EMCN: variants seen among roughly 807,000 people sequenced by gnomAD.
The protein encoded by EMCN is MUC-14.
Under a neutral mutation model 38.4 loss-of-function variants are expected in EMCN, and 37 were observed. That is an observed-to-expected ratio of 0.96 (90% CI 0.74 to 1.27). EMCN has a LOEUF of 1.27. EMCN is among the 50% of genes most tolerant of loss of function. The pLI, the probability that EMCN is intolerant of heterozygous loss-of-function variation, is 0.00. For missense variants in EMCN, 318 were observed against 302.8 expected, an observed-to-expected ratio of 1.05 and a Z score of -0.37; for synonymous variants, 95 against 100.8, an observed-to-expected ratio of 0.94 and a Z score of 0.35.
intron 5 of EMCN, among the ~76,000 whole-genome samples, chr4:100,433,807 A>G (rs1035023233): frequency 2.6e-5 from 4 of 152,212 alleles, no homozygotes; most frequent in African/African-American, 9.6e-5. Flanking sequence ...AAGTGCTGGG[A>G]TTACAGGTGT....
intron 9 of EMCN, 62 bp from the exon 10 acceptor site, chr4:100,416,021 G>T: frequency 9.3e-7 from 1 of 1,073,688 alleles, no homozygotes; most frequent in Non-Finnish European, 1.4e-6. Flanking sequence ...GTTTGTGAAA[G>T]TATTGTGACA....
chr4:100,424,954 C>T (rs1560609555), intron 5 of EMCN, among the ~76,000 whole-genome samples: 2 of 152,006 alleles, frequency 1.3e-5, no homozygotes, highest in Non-Finnish European at 2.9e-5. Flanking sequence ...TGGGTCAGAA[C>T]AAACTCCCAA....
intron 5 of EMCN, among the ~76,000 whole-genome samples, chr4:100,428,874 G>A (rs1727124015): frequency 6.6e-6 from 1 of 152,106 alleles, no homozygotes; most frequent in Non-Finnish European, 1.5e-5. Context: ...TTTTAGTAGG[G>A]AAGGTGAGAA....
intron 2 of EMCN, among the ~76,000 whole-genome samples, chr4:100,475,708 C>T (rs1433972481): frequency 4.3e-5 from 5 of 116,948 alleles, no homozygotes; most frequent in African/African-American, 9.9e-5. Context: ...GACAGAATCT[C>T]GCTCTGTCGC....
chr4:100,411,136 T>TCCTCAGA (rs1726540936), intron 10 of EMCN, among the ~76,000 whole-genome samples: 1 of 152,186 alleles, frequency 6.6e-6, no homozygotes, highest in Admixed American at 6.5e-5. Context: ...ACTCTGAGGA[T>TCCTCAGA]GTCACCTGTT....
At chr4:100,454,529 C>T (rs1262151449) in intron 4 of EMCN, among the ~76,000 whole-genome samples, 1 of 152,112 alleles carries the variant, frequency 6.6e-6, no homozygotes, top group Non-Finnish European at 1.5e-5. Flanking sequence ...GATAGGCAGA[C>T]CTGGAACCTG....
chr4:100,456,135 A>G (rs1728010475), intron 4 of EMCN, among the ~76,000 whole-genome samples: 1 of 151,914 alleles, frequency 6.6e-6, no homozygotes, highest in African/African-American at 2.4e-5. Context: ...TCCTTCTCAC[A>G]TCTTCTTCTG....
chr4:100,451,253 CTA>C (rs898742106), intron 4 of EMCN, among the ~76,000 whole-genome samples: 20 of 150,936 alleles, frequency 1.3e-4, no homozygotes, highest in Admixed American at 9.9e-4. Context: ...AAGAAAAACA[CTA>C]AAAAAATAAT....
chr4:100,446,750 C>T (rs1207337012), intron 5 of EMCN, among the ~76,000 whole-genome samples: 2 of 152,132 alleles, frequency 1.3e-5, no homozygotes, highest in East Asian at 3.9e-4. Context: ...CTACCCTCCA[C>T]CCTCAGGTAG....
At chr4:100,456,505 C>A (rs1728021233) in intron 4 of EMCN, among the ~76,000 whole-genome samples, 1 of 152,094 alleles carries the variant, frequency 6.6e-6, no homozygotes, top group East Asian at 1.9e-4. Context: ...AATTATATTG[C>A]CAGTTTTGGT....
intron 1 of EMCN, among the ~76,000 whole-genome samples, chr4:100,492,628 TA>T (rs1466770061): frequency 1.3e-5 from 2 of 151,694 alleles, no homozygotes; most frequent in African/African-American, 4.8e-5. Flanking sequence ...ACCAAAACAT[TA>T]AAGATGAATA....
chr4:100,460,159 C>A (rs1728138186), intron 4 of EMCN, among the ~76,000 whole-genome samples: 1 of 152,102 alleles, frequency 6.6e-6, no homozygotes. Context: ...TTTTAATTTG[C>A]ATTTCCTTGA....
rs111314795 is a variant in EMCN at position 100,426,337 on chromosome 4, C to T, written c.416-2933G>A. Among the ~76,000 whole-genome samples the T allele has an allele frequency of 1.7e-3, 254 of 152,192 alleles. 1 individual carries two copies. The highest frequency in any genetic ancestry group is 5.8e-3 in the African/African-American group (242 of 41,548). On this transcript the variant is annotated intron_variant, in intron 5 of 11. Coordinates refer to ENST00000296420, the MANE Select transcript of EMCN (RefSeq NM_016242.4). ...GTGGACCTGCCAGGAATATTAAGGC[C>T]GGCTTGTCCTGGGAGGAATGTGGAC...
At chr4:100,420,472 ATT>A (rs1726857820) in intron 8 of EMCN, among the ~76,000 whole-genome samples, 2 of 152,004 alleles carry the variant, frequency 1.3e-5, no homozygotes, top group South Asian at 4.1e-4. Context: ...ATGCTACTAC[ATT>A]ATACGACCAG....
At chr4:100,442,136 T>C (rs1159682597) in intron 5 of EMCN, among the ~76,000 whole-genome samples, 1 of 152,208 alleles carries the variant, frequency 6.6e-6, no homozygotes, top group Non-Finnish European at 1.5e-5. Flanking sequence ...TATTTCCCCA[T>C]TTTGAAGGAG....
At chr4:100,414,670 TG>T (rs1205221529) in intron 10 of EMCN, among the ~76,000 whole-genome samples, 1 of 152,176 alleles carries the variant, frequency 6.6e-6, no homozygotes, top group Non-Finnish European at 1.5e-5. Flanking sequence ...TCAACTCTTC[TG>T]TTTGCCTTTT....
At chr4:100,409,331 AT>A (rs1726484802) in intron 11 of EMCN, among the ~76,000 whole-genome samples, 3 of 152,188 alleles carry the variant, frequency 2.0e-5, no homozygotes, top group African/African-American at 7.2e-5. Context: ...TCTTGTAACA[AT>A]TAAATTAAAG....
At chr4:100,494,574 T>C (rs1225852879) in intron 1 of EMCN, among the ~76,000 whole-genome samples, 1 of 152,098 alleles carries the variant, frequency 6.6e-6, no homozygotes, top group Non-Finnish European at 1.5e-5. Flanking sequence ...TGGCCAACTT[T>C]AACTAGAAAA....
chr4:100,515,420 T>C (rs950299028), intron 1 of EMCN, among the ~76,000 whole-genome samples: 2 of 151,982 alleles, frequency 1.3e-5, no homozygotes, highest in African/African-American at 4.8e-5. Flanking sequence ...ACTGAAAAAA[T>C]ATTATACCAC....
Sources: gnomAD v4.1 joint callset for allele counts (sites outside exome capture counted in the v4.1 genomes callset) on GRCh38, gnomAD v4.1.1 for gene constraint, MANE v1.5 for transcripts, NCBI Gene and HGNC (gene_info 2026-07-23, HGNC 2026-07-21) for gene names.